Variants in MINDY2 observed in about 807,000 individuals in gnomAD.
MINDY2 encodes MINDY lysine 48 deubiquitinase 2.
Under a neutral mutation model 68.2 loss-of-function variants are expected in MINDY2, and 52 were observed. The observed-to-expected ratio is 0.76, with a 90% CI of 0.61 to 0.96. The LOEUF (loss-of-function observed/expected upper bound fraction) is 0.96. MINDY2 is among the 40% of genes least tolerant of loss of function. The pLI is 0.00. For synonymous variants in MINDY2, 372 were observed against 303.0 expected (o/e 1.23, Z -2.36); for missense variants, 881 against 773.4 (o/e 1.14, Z -1.65).
At position 58,771,919 on chromosome 15, in the gene MINDY2, C is replaced by T. The variant is rs973294679; in HGVS notation, c.524C>T (p.Ser175Phe). 3 of 1,556,118 alleles carry T rather than the reference C, an allele frequency of 1.9e-6. No homozygotes were observed. The highest frequency in any genetic ancestry group is 1.2e-5 in the South Asian group (1 of 81,350). The change falls in exon 1 of 9, where the codon TCT (serine) becomes TTT (phenylalanine). Residue 175 changes from serine (S) to phenylalanine (F), a missense_variant. Ser to Phe is a radical substitution (Grantham distance 155). Transcript: ENST00000559228. ...CCTGGGGAATCTCCGAGCCTGGACT[C>T]TCTGGAGTCGTTCTCTAACCTGCAT... is the stretch of plus-strand genomic sequence containing the variant. ...SPPGESPSLD[S>F]LESFSNLHSF...
At chr15:58,820,393 G>C (rs544181808) in intron 4 of MINDY2, among the ~76,000 whole-genome samples, 5 of 150,218 alleles carry the variant, frequency 3.3e-5, no homozygotes, top group African/African-American at 1.2e-4. Flanking sequence ...GCAGTGAGCC[G>C]AGGTCACACC....
chr15:58,782,942 CAG>C lies in MINDY2; in HGVS notation c.841-4961_841-4960del, dbSNP rs758021886. Among the ~76,000 whole-genome samples the C allele has an allele frequency of 4.7e-4, 26 of 55,366 alleles. 2 individuals carry two copies. The East Asian group carries it at 0.034, about 71-fold the overall frequency. 36.3% of individuals were successfully genotyped at this position (55,366 alleles called of 152,430 possible). On this transcript the variant is annotated intron_variant, in intron 1 of 8. Transcript: ENST00000559228. ...TTTTTTTTTTTTTTTTTTTTTGAGA[CAG>C]AGTCTTGCTCTGTCACCCAGGCTGG...
At chr15:58,827,345 A>G (rs1208187092) in intron 5 of MINDY2, among the ~76,000 whole-genome samples, 4 of 152,156 alleles carry the variant, frequency 2.6e-5, no homozygotes, top group Non-Finnish European at 5.9e-5. Context: ...TGTGGTGGTT[A>G]TAATTTCTGT....
At chr15:58,800,834 CAA>C (rs59075081) in intron 2 of MINDY2, among the ~76,000 whole-genome samples, 59,019 of 109,716 alleles carry the variant, frequency 0.54, 15,912 homozygotes, top group East Asian at 0.91. Flanking sequence ...GACTCTGTCT[CAA>C]AAAAAAAAAA....
Position 58,833,488 on chromosome 15 carries a change from C to T in MINDY2, c.1368+1572C>T, listed in dbSNP as rs867278938. 5.9e-5 allele frequency among the ~76,000 whole-genome samples: 9 copies of T among 152,274 alleles called. No individual in the cohort carries two copies. In the Middle Eastern group the frequency reaches 0.014, roughly 230 times the overall value. ...CAGCGTTCAGCATGCGGAGGATCCACGCCGGCACCGGCCTCTGAGTTCCCT... is the reference window on the plus strand; with the variant it reads ...CAGCGTTCAGCATGCGGAGGATCCATGCCGGCACCGGCCTCTGAGTTCCCT... On this transcript the variant is annotated intron_variant, in intron 6 of 8. Coordinates refer to ENST00000559228, the MANE Select transcript of MINDY2 (RefSeq NM_001040450.3).
chr15:58,774,785 T>C (rs541281944), intron 1 of MINDY2, among the ~76,000 whole-genome samples: 16 of 152,318 alleles, frequency 1.1e-4, no homozygotes, highest in African/African-American at 3.8e-4. Context: ...GGGTTTCTTC[T>C]ACTTGGAACC....
intron 2 of MINDY2, among the ~76,000 whole-genome samples, chr15:58,796,557 C>T (rs1646838762): frequency 6.6e-6 from 1 of 152,198 alleles, no homozygotes; most frequent in Admixed American, 6.5e-5. Flanking sequence ...CTGGGTCTCT[C>T]TCTGTTGCCC....
At chr15:58,802,885 G>A (rs1321150189) in intron 3 of MINDY2, among the ~76,000 whole-genome samples, 1 of 152,132 alleles carries the variant, frequency 6.6e-6, no homozygotes, top group African/African-American at 2.4e-5. Context: ...GTATCACTAG[G>A]CTTAAAATTA....
intron 1 of MINDY2, 128 bp from the exon 2 acceptor site, chr15:58,787,778 T>A: frequency 2.2e-6 from 1 of 450,234 alleles, no homozygotes; most frequent in Non-Finnish European, 3.9e-6. Flanking sequence ...GATTCTAATA[T>A]ATGTGAATGT....
At chr15:58,797,696 A>T (rs1230159136) in intron 2 of MINDY2, among the ~76,000 whole-genome samples, 1 of 152,134 alleles carries the variant, frequency 6.6e-6, no homozygotes, top group Non-Finnish European at 1.5e-5. Flanking sequence ...CTGTGCTATA[A>T]CAAGTTGATA....
intron 2 of MINDY2, among the ~76,000 whole-genome samples, chr15:58,795,585 T>C (rs897409721): frequency 6.6e-6 from 1 of 151,980 alleles, no homozygotes; most frequent in Non-Finnish European, 1.5e-5. Flanking sequence ...TTTGTATTTT[T>C]AGTAGAGACA....
rs1448221060 is a variant in MINDY2 at position 58,817,990 on chromosome 15, T to C, written c.1123-3727T>C. Among the ~76,000 whole-genome samples the C allele has an allele frequency of 2.6e-5, 4 of 152,174 alleles. No homozygotes were observed. The East Asian group carries it at 7.7e-4, about 29-fold the overall frequency. ...GCCATAGTCCGAAACTGAAAACAAC[T>C]TGAATAGCCATCAAAAGACAAATGA... On this transcript the variant is annotated intron_variant, in intron 4 of 8. Transcript: ENST00000559228.
rs1303517561 is a variant in MINDY2, at chr15:58,855,088, A to G, written c.*478A>G. ...CACGGGTTTAACATAGGGATTCAAA[A>G]AAACAAAAACAAAAGAATAGGAATA... On this transcript the variant is annotated 3_prime_UTR_variant, in exon 9 of 9. Transcript: ENST00000559228. 1 of 153,420 alleles carries G rather than the reference A, an allele frequency of 6.5e-6. No homozygotes were observed. The highest frequency in any genetic ancestry group is 2.4e-5 in the African/African-American group (1 of 41,462). 9.5% of individuals were successfully genotyped at this position (153,420 alleles called of 1,614,324 possible). A position where few individuals can be genotyped will look rare whatever the true frequency, so the allele number is the denominator to read the frequency against.
chr15:58,839,906 C>T (rs2032194128), intron 6 of MINDY2, among the ~76,000 whole-genome samples: 1 of 150,964 alleles, frequency 6.6e-6, no homozygotes, highest in South Asian at 2.1e-4. Context: ...AATCTCAGCT[C>T]ACTGCAACCT....
At position 58,785,538 on chromosome 15, in the gene MINDY2, C is replaced by CA. The variant is rs538820153; in HGVS notation, c.841-2361dup. 1.2e-4 allele frequency among the ~76,000 whole-genome samples: 17 copies of CA among 147,528 alleles called. No homozygotes were observed. The South Asian group carries it at 2.4e-3, about 21-fold the overall frequency. On this transcript the variant is annotated intron_variant, in intron 1 of 8. Transcript: ENST00000559228. ...TTAACAGATGAGAGGGACTGTGTTC[C>CA]AAAAAAACGTTTATTTAGAAAAACA... is the stretch of plus-strand genomic sequence containing the variant.
intron 6 of MINDY2, among the ~76,000 whole-genome samples, chr15:58,839,990 G>A (rs1449538551): frequency 3.3e-5 from 5 of 151,914 alleles, no homozygotes; most frequent in African/African-American, 1.2e-4. Flanking sequence ...GTGCCACCAC[G>A]CTCAGCTAAT....
chr15:58,827,358 T>C (rs1253323237), intron 5 of MINDY2, among the ~76,000 whole-genome samples: 1 of 152,172 alleles, frequency 6.6e-6, no homozygotes, highest in African/African-American at 2.4e-5. Context: ...ATTTCTGTTA[T>C]TCCTTCTGTT....
chr15:58,835,046 A>G (rs2031927474), intron 6 of MINDY2, among the ~76,000 whole-genome samples: 1 of 152,222 alleles, frequency 6.6e-6, no homozygotes, highest in Admixed American at 6.5e-5. Flanking sequence ...TCTCAAGTCT[A>G]GGATTTATTC....
intron 6 of MINDY2, among the ~76,000 whole-genome samples, chr15:58,832,203 C>A (rs1293673865): frequency 6.6e-6 from 1 of 151,366 alleles, no homozygotes; most frequent in Non-Finnish European, 1.5e-5. Flanking sequence ...AAAGATAAAC[C>A]CTAGAGATAG....
Sources: allele counts gnomAD v4.1 joint callset (sites outside exome capture counted in the v4.1 genomes callset), GRCh38; gene constraint gnomAD v4.1.1; transcripts MANE v1.5; gene names NCBI Gene and HGNC (gene_info 2026-07-23, HGNC 2026-07-21).